The following MCTP1 variants were observed in gnomAD, a reference collection of about 807,000 sequenced individuals.
The protein encoded by MCTP1 is multiple C2 and transmembrane domain containing 1, also known as multiple C2 and transmembrane domain-containing protein 1.
MCTP1 carries 69 observed loss-of-function variants against 120.6 expected under a neutral mutation model. That is an observed-to-expected ratio of 0.57 (90% CI 0.47 to 0.70). The LOEUF is 0.70. Ranked by LOEUF, MCTP1 falls within the 30% of genes least tolerant of loss-of-function variation. The probability of loss-of-function intolerance (pLI) is 0.00; values close to 1 mark genes in which losing one functional copy is unlikely to be tolerated. For synonymous variants in MCTP1, 529 were observed against 493.1 expected, an observed-to-expected ratio of 1.07 and a Z score of -0.96; for missense variants, 1,203 against 1,248.8, an observed-to-expected ratio of 0.96 and a Z score of 0.55.
At chr5:95,075,042 G>A (rs761694937) in intron 1 of MCTP1, among the ~76,000 whole-genome samples, 1 of 152,070 alleles carries the variant, frequency 6.6e-6, no homozygotes, top group Non-Finnish European at 1.5e-5. Context: ...AAAATGAGAG[G>A]GTTGAGCTAG....
rs551823955 is a variant in MCTP1 at position 95,025,267 on chromosome 5, A to G, written c.721-7783T>C. Among the ~76,000 whole-genome samples, 239 of 150,882 alleles carry G rather than the reference A, an allele frequency of 1.6e-3. 1 individual carries two copies. Among genetic ancestry groups the G allele is most frequent in the Non-Finnish European group, 3.0e-3 (198 of 66,974 alleles). On this transcript the variant is annotated intron_variant, in intron 1 of 22. Transcript: ENST00000515393. ...AAAGAGCCCAGAAATAAACTGATAC[A>G]TTTATGATCAATTGAGTTTTGATAG...
chr5:94,804,595 C>T (rs1455775558), intron 17 of MCTP1, among the ~76,000 whole-genome samples: 5 of 152,006 alleles, frequency 3.3e-5, no homozygotes, highest in Non-Finnish European at 7.4e-5. Context: ...CCCGCCACCA[C>T]GCCCGGCTAA....
chr5:94,982,884 CAAAAAAAAAAAAAAAAAA>C (rs34561115), intron 2 of MCTP1, among the ~76,000 whole-genome samples: 3 of 28,596 alleles, frequency 1.0e-4, no homozygotes, highest in Non-Finnish European at 2.5e-4. Context: ...CACACTTCAT[CAAAAAAAAAAAAAAAAAA>C]AAAAAAAAAA....
At chr5:95,035,192 C>T (rs1841057264) in intron 1 of MCTP1, among the ~76,000 whole-genome samples, 1 of 151,868 alleles carries the variant, frequency 6.6e-6, no homozygotes, top group Non-Finnish European at 1.5e-5. Flanking sequence ...AATAAAGCTT[C>T]CATTTGACCT....
rs1054089461 is a variant in MCTP1, at chr5:94,769,482, T to C, written c.2610+9628A>G. On this transcript the variant is annotated intron_variant, in intron 19 of 22. Coordinates refer to ENST00000515393, the MANE Select transcript of MCTP1 (RefSeq NM_024717.7). The stretch of plus-strand genomic sequence containing the variant: ...ATAATCCATAAATAGGTACAATTCT[T>C]ATATATCAATAAAAAATTGAAAAAA... 3.9e-5 allele frequency among the ~76,000 whole-genome samples: 6 copies of C among 151,940 alleles called. No individual in the cohort carries two copies. The South Asian group carries it at 1.0e-3, about 26-fold the overall frequency.
intron 18 of MCTP1, chr5:94,785,008 G>A (rs953382839): frequency 3.9e-5 from 6 of 152,030 alleles, no homozygotes; most frequent in Non-Finnish European, 8.8e-5. Context: ...ATTACGTACA[G>A]CATGGCTTCT....
rs1760567454 is a variant in MCTP1 at position 95,284,217 on chromosome 5, GT to G, written c.358del (p.Thr120ArgfsTer14). 1 of 1,578,144 alleles carries G rather than the reference GT, an allele frequency of 6.3e-7. No homozygotes were observed. Reference sequence around the variant, plus strand: ...ATGCTCGCGGATCCGGCGGCGTAGCGTGGACCCCTGCTCGGCTCTGCCGGCG... The same window carrying G: ...ATGCTCGCGGATCCGGCGGCGTAGCGGGACCCCTGCTCGGCTCTGCCGGCG... ...GGAGRAEQGS[T>X]LRRRIREHLL... On this transcript the variant is annotated frameshift_variant, in exon 1 of 23. Transcript: ENST00000515393. LOFTEE classifies it high-confidence loss of function. The surrounding 1 kb of genome is among the most constrained non-coding windows in gnomAD (Gnocchi z 5.2).
At chr5:94,787,935 T>C (rs1268119976) in intron 18 of MCTP1, among the ~76,000 whole-genome samples, 1 of 152,208 alleles carries the variant, frequency 6.6e-6, no homozygotes, top group Non-Finnish European at 1.5e-5. Flanking sequence ...AATTGAAGCA[T>C]AGCAGAATGA....
chr5:95,143,245 C>A lies in MCTP1; in HGVS notation c.721-125761G>T, dbSNP rs181627035. ...CATGGGAAACAGGCTTCTTTCTCAC[C>A]AATAGGCTCATAGGTTTTAACAAAA... On this transcript the variant is annotated intron_variant, in intron 1 of 22. Coordinates refer to ENST00000515393, the MANE Select transcript of MCTP1 (RefSeq NM_024717.7). Among the ~76,000 whole-genome samples the A allele has an allele frequency of 4.0e-3, 605 of 152,148 alleles. 8 individuals carry two copies. Among genetic ancestry groups the A allele is most frequent in the African/African-American group, 0.014 (581 of 41,506 alleles).
At chr5:95,077,423 C>T (rs1293177635) in intron 1 of MCTP1, among the ~76,000 whole-genome samples, 1 of 151,908 alleles carries the variant, frequency 6.6e-6, no homozygotes, top group Non-Finnish European at 1.5e-5. Context: ...TATATATCTG[C>T]ACACATTTAG....
chr5:95,028,706 T>C (rs916760910), intron 1 of MCTP1, among the ~76,000 whole-genome samples: 1 of 152,228 alleles, frequency 6.6e-6, no homozygotes, highest in South Asian at 2.1e-4. Flanking sequence ...AATTAGACCA[T>C]GTAAACAGAC....
chr5:95,250,667 T>C (rs559872011), intron 1 of MCTP1, among the ~76,000 whole-genome samples: 2 of 152,316 alleles, frequency 1.3e-5, no homozygotes, highest in South Asian at 4.1e-4. Context: ...GATATAAAAA[T>C]GGAAGCGTTC....
At chr5:94,996,015 C>T (rs1367304470) in intron 2 of MCTP1, among the ~76,000 whole-genome samples, 4 of 152,110 alleles carry the variant, frequency 2.6e-5, no homozygotes, top group Admixed American at 2.0e-4. Context: ...TTTTGGTTCA[C>T]TTAATTAAGT....
Position 94,710,855 on chromosome 5 carries a change from C to G in MCTP1, c.2793G>C (p.Leu931=), listed in dbSNP as rs771386215. ...CAATGTATCTCAGCGGAATGCAGTA[C>G]AGGATGGCTGTGAACACACAGAGGG... ...IVALCVFTAI[L]YCIPLRYIVL... is the part of the protein sequence containing the mutation. The change falls in exon 21 of 23, where the codon CTG becomes CTC. Residue 931 remains leucine, a synonymous_variant. Coordinates refer to ENST00000515393, the MANE Select transcript of MCTP1 (RefSeq NM_024717.7). 7.4e-6 allele frequency: 12 copies of G among 1,612,882 alleles called. No individual in the cohort carries two copies. In the East Asian group the frequency reaches 1.8e-4, roughly 24 times the overall value.
Position 95,284,681 on chromosome 5 carries a change from G to T in MCTP1, c.-106C>A. The T allele has an allele frequency of 1.6e-6, 1 of 627,996 alleles. No individual in the cohort carries two copies. Among genetic ancestry groups the T allele is most frequent in the Non-Finnish European group, 2.2e-6 (1 of 451,602 alleles). The allele number at this position is 627,996 out of a possible 1,614,324, so 38.9% of individuals were successfully genotyped here. On this transcript the variant is annotated 5_prime_UTR_variant, in exon 1 of 23. Transcript: ENST00000515393. This position sits in a 1 kb window ranked among gnomAD's most constrained non-coding sequence, Gnocchi z 5.2. The stretch of plus-strand genomic sequence containing the variant: ...CCGGGTCCCCGCGGCGCTGGCGGTG[G>T]CGGCGGCGGCGGCGGCGGGCGCAGC...
intron 1 of MCTP1, among the ~76,000 whole-genome samples, chr5:95,275,106 G>T (rs1331443599): frequency 6.6e-6 from 1 of 152,156 alleles, no homozygotes; most frequent in African/African-American, 2.4e-5. Flanking sequence ...GACAACACAT[G>T]CCTAGCACTT....
At chr5:94,817,407 AAAAC>A (rs55957139) in intron 17 of MCTP1, among the ~76,000 whole-genome samples, 32,757 of 149,886 alleles carry the variant, frequency 0.22, 3,600 homozygotes, top group East Asian at 0.27. Context: ...CTCTTGTCTC[AAAAC>A]AAACAAACAA....
At chr5:95,230,228 ATG>A (rs745556810) in intron 1 of MCTP1, among the ~76,000 whole-genome samples, 8 of 114,654 alleles carry the variant, frequency 7.0e-5, no homozygotes, top group East Asian at 2.3e-4. Context: ...ACATACATAT[ATG>A]TGTGTGTGTA....
In MCTP1 at chr5:95,148,903, T is replaced by G. The variant is rs138547033; in HGVS notation, c.721-131419A>C. Among the ~76,000 whole-genome samples, 396 of 152,328 alleles carry G rather than the reference T, an allele frequency of 2.6e-3. 4 individuals carry two copies. Among genetic ancestry groups the G allele is most frequent in the African/African-American group, 9.0e-3 (375 of 41,588 alleles). On this transcript the variant is annotated intron_variant, in intron 1 of 22. Transcript: ENST00000515393. The stretch of plus-strand genomic sequence containing the variant: ...TGGCCAAAGATATGTTCAGCATCTT[T>G]ATTTGTGGCTGAATTTTTGCCTTAA...
Sources: gnomAD v4.1 joint callset for allele counts (sites outside exome capture counted in the v4.1 genomes callset) on GRCh38, gnomAD v4.1.1 for gene constraint, Gnocchi (gnomAD v3.1) non-coding constraint, MANE v1.5 for transcripts, NCBI Gene and HGNC (gene_info 2026-07-23, HGNC 2026-07-21) for gene names.